The following PXDN variants were observed in gnomAD, a reference collection of about 807,000 sequenced individuals.
PXDN encodes peroxidasin homolog.
In PXDN, 77 loss-of-function variants were observed where a neutral mutation model predicts 140.3. The ratio of observed to expected loss-of-function variants is 0.55; its 90% CI spans 0.46 to 0.66. The LOEUF is 0.66. Among genes scored for constraint, PXDN ranks in the 30% least tolerant of loss-of-function variants. PXDN has a pLI of 0.00. For synonymous variants in PXDN, 911 were observed against 857.4 expected, an observed-to-expected ratio of 1.06 and a Z score of -1.09; for missense variants, 1,838 against 2,039.5, an observed-to-expected ratio of 0.90 and a Z score of 1.90.
intron 1 of PXDN, among the ~76,000 whole-genome samples, chr2:1,700,594 A>G (rs1199031235): frequency 6.6e-6 from 1 of 152,200 alleles, no homozygotes; most frequent in Non-Finnish European, 1.5e-5. Flanking sequence ...CAGTGAGAAC[A>G]CACAGGATAC....
intron 1 of PXDN, among the ~76,000 whole-genome samples, chr2:1,709,586 C>A (rs1684705397): frequency 6.6e-6 from 1 of 152,160 alleles, no homozygotes; most frequent in Non-Finnish European, 1.5e-5. Flanking sequence ...GGCCATTGAA[C>A]AAGATGCGCT....
rs200869196 is a variant in PXDN at position 1,680,083 on chromosome 2, ATG to A, written c.730+108_730+109del. ...GTGTCTATAAATGGTGTGTGTGTAA[ATG>A]TGTGTGTGTGGTGTGTGGATGTTGT... On this transcript the variant is annotated intron_variant, in intron 7 of 22. Transcript: ENST00000252804. 3.6e-4 allele frequency: 457 copies of A among 1,276,218 alleles called. 1 individual carries two copies. The highest frequency in any genetic ancestry group is 2.5e-3 in the Admixed American group (104 of 40,892). 79.1% of individuals were successfully genotyped at this position (1,276,218 alleles called of 1,614,324 possible).
At position 1,743,812 on chromosome 2, in the gene PXDN, G is replaced by T. The variant is rs1415379165; in HGVS notation, c.200+444C>A. ...GACGGAGGGGGCTGCGCCGCGCTCG[G>T]GGAGCGGAGGGGGACCGAGGGGTCC... On this transcript the variant is annotated intron_variant, in intron 1 of 22. Coordinates refer to ENST00000252804, the MANE Select transcript of PXDN (RefSeq NM_012293.3). 2.7e-3 allele frequency among the ~76,000 whole-genome samples: 394 copies of T among 147,550 alleles called. 2 individuals are homozygous for T. The highest frequency in any genetic ancestry group is 3.5e-3 in the Middle Eastern group (1 of 282).
intron 3 of PXDN, among the ~76,000 whole-genome samples, chr2:1,689,886 A>G (rs866403148): frequency 3.3e-5 from 5 of 152,252 alleles, no homozygotes; most frequent in African/African-American, 1.2e-4. Flanking sequence ...GTCTCAAGAA[A>G]TAATTTCATT....
intron 11 of PXDN, chr2:1,664,244 G>A (rs955443101): frequency 3.1e-5 from 5 of 162,144 alleles, no homozygotes; most frequent in African/African-American, 1.2e-4. Context: ...GGAGCCCTGG[G>A]TGGGGCCCCT....
chr2:1,649,358 C>T lies in PXDN; in HGVS notation c.2422G>A (p.Val808Ile), dbSNP rs1682953828. 1.2e-6 allele frequency: 2 copies of T among 1,613,936 alleles called. No homozygotes were observed. Among genetic ancestry groups the T allele is most frequent in the African/African-American group, 1.3e-5 (1 of 75,050 alleles). ...TGGGTGAACTGCTCGTCGGGTGTGA[C>T]GGTCTCCGTCCCGATCAGGGTGGTG... ...VSTTLIGTET[V>I]TPDEQFTHML... Residue 808 changes from valine (V) to isoleucine (I), a missense_variant, in exon 17 of 23, where the codon GTC becomes ATC. Val to Ile is a conservative substitution (Grantham distance 29). Around this residue, in one of 5 missense-constraint regions of PXDN, gnomAD observed 537 missense variants for 583.9 expected, o/e 0.92. Transcript: ENST00000252804. This position sits in a 1 kb window ranked among gnomAD's most constrained non-coding sequence, Gnocchi z 7.1.
intron 1 of PXDN, among the ~76,000 whole-genome samples, chr2:1,713,217 CA>C (rs1480992630): frequency 6.6e-6 from 1 of 152,156 alleles, no homozygotes; most frequent in Non-Finnish European, 1.5e-5. Context: ...AGGATTCAGA[CA>C]CGCTCCCCAG....
At position 1,663,715 on chromosome 2, in the gene PXDN, G is replaced by A; in HGVS notation, c.1457C>T (p.Thr486Ile). ...GAGGGCAACACCAGAGATTCTAAGT[G>A]TTCCCGATGACAGGACCAGGTGCCG... ...DRRHLVLSSG[T>I]LRISGVALHD... Residue 486 changes from threonine to isoleucine, a missense_variant, in exon 12 of 23, where the codon ACA (threonine) becomes ATA (isoleucine). Transcript: ENST00000252804. 6.2e-7 allele frequency: 1 copy of A among 1,613,802 alleles called. No homozygotes were observed. The highest frequency in any genetic ancestry group is 8.5e-7 in the Non-Finnish European group (1 of 1,179,898).
intron 1 of PXDN, among the ~76,000 whole-genome samples, chr2:1,730,866 C>A (rs1016798799): frequency 6.6e-6 from 1 of 151,912 alleles, no homozygotes; most frequent in Non-Finnish European, 1.5e-5. Flanking sequence ...CTACCCTTAG[C>A]GCAATAATCA....
chr2:1,646,429 T>G (rs145970943), intron 17 of PXDN, among the ~76,000 whole-genome samples: 46 of 152,200 alleles, frequency 3.0e-4, no homozygotes, highest in Non-Finnish European at 5.7e-4. Context: ...AAGGAGGATA[T>G]TTAAGCACAT....
At chr2:1,678,637 C>A (rs1048009820) in intron 7 of PXDN, among the ~76,000 whole-genome samples, 8 of 152,230 alleles carry the variant, frequency 5.3e-5, no homozygotes, top group Non-Finnish European at 1.2e-4. Context: ...AACGACAGGG[C>A]CTCGGCTGAT....
rs748237720 is a variant in PXDN at position 1,648,791 on chromosome 2, G to A, written c.2989C>T (p.Arg997Cys). Residue 997 changes from arginine (R) to cysteine (C), a missense_variant, in exon 17 of 23, where the codon CGC becomes TGC. By Grantham distance (180) the Arg-to-Cys change is radical (BLOSUM62 -3). Coordinates refer to ENST00000252804, the MANE Select transcript of PXDN (RefSeq NM_012293.3). This position sits in a 1 kb window ranked among gnomAD's most constrained non-coding sequence, Gnocchi z 8.9. ...AGCTTGAGCAGCTCCGTGGCAATGC[G>A]GTTGTGCTCGCGGAACCACAGCGTG... ...MHTLWFREHN[R>C]IATELLKLNP... 5 of 1,603,324 alleles carry A rather than the reference G, an allele frequency of 3.1e-6. No homozygotes were observed. The highest frequency in any genetic ancestry group is 1.6e-4 in the Middle Eastern group (1 of 6,076).
chr2:1,721,072 T>C (rs895333910), intron 1 of PXDN, among the ~76,000 whole-genome samples: 3 of 152,176 alleles, frequency 2.0e-5, no homozygotes, highest in African/African-American at 7.2e-5. Flanking sequence ...TCGGCTCTAC[T>C]CAAAGTCTCC....
At chr2:1,742,900 C>G (rs1373734145) in intron 1 of PXDN, among the ~76,000 whole-genome samples, 2 of 152,216 alleles carry the variant, frequency 1.3e-5, no homozygotes, top group African/African-American at 4.8e-5. Flanking sequence ...CACTTTGTTT[C>G]GGAGGTAGGC....
chr2:1,666,074 G>T (rs1245298471), intron 10 of PXDN, 140 bp downstream of exon 10: 3 of 1,183,952 alleles, frequency 2.5e-6, no homozygotes, highest in South Asian at 1.6e-5. Context: ...TCCAAGGGGG[G>T]TGTAATGGAT....
Position 1,639,777 on chromosome 2 carries a change from C to T in PXDN, c.3953-355G>A, listed in dbSNP as rs1043184397. On this transcript the variant is annotated intron_variant, in intron 19 of 22. Transcript: ENST00000252804. The surrounding 1 kb of genome is among the most constrained non-coding windows in gnomAD (Gnocchi z 5.0). Reference sequence around the variant, plus strand: ...CCTCGGAGATCAGAGTCTGCTGTTTCTGGGGGTCCCTCCCCGATGGCCAGA... The same window carrying T: ...CCTCGGAGATCAGAGTCTGCTGTTTTTGGGGGTCCCTCCCCGATGGCCAGA... Among the ~76,000 whole-genome samples, 2 of 152,240 alleles carry T rather than the reference C, an allele frequency of 1.3e-5. No individual in the cohort carries two copies. The highest frequency in any genetic ancestry group is 2.1e-4 in the South Asian group (1 of 4,832).
intron 18 of PXDN, among the ~76,000 whole-genome samples, chr2:1,644,065 C>G (rs560690793): frequency 1.3e-5 from 1 of 74,258 alleles, no homozygotes; most frequent in East Asian, 4.7e-4. Flanking sequence ...GAGCAAGACT[C>G]TGTCTCAAAA....
rs6723697 is a variant in PXDN, at chr2:1,648,187, C to T, written c.3593G>A (p.Arg1198Gln). The T allele has an allele frequency of 2.4e-3, 3,871 of 1,611,760 alleles. 82 individuals are homozygous for T. The African/African-American group carries it at 0.045, about 19-fold the overall frequency. Residue 1198 changes from arginine to glutamine, a missense_variant, in exon 17 of 23, where the codon CGG (arginine) becomes CAG (glutamine). Coordinates refer to ENST00000252804, the MANE Select transcript of PXDN (RefSeq NM_012293.3). This position sits in a 1 kb window ranked among gnomAD's most constrained non-coding sequence, Gnocchi z 8.9. ...TTCAGCTCACCTTTTCAGTTTCTCC[C>T]GGATCTCAGGGTTTTTAATCTCATT... ...LKNEIKNPEI[R>Q]EKLKRLYGST...
chr2:1,676,837 T>A (rs1244618733), intron 8 of PXDN, 90 bp downstream of exon 8: 1 of 1,195,312 alleles, frequency 8.4e-7, no homozygotes, highest in Admixed American at 2.0e-5. Context: ...AAAGTGGACG[T>A]GGGCCTTGGT....
Sources: gnomAD v4.1 joint callset for allele counts (sites outside exome capture counted in the v4.1 genomes callset) on GRCh38, gnomAD v4.1.1 for gene constraint, gnomAD v4.1.1 regional missense constraint, Gnocchi (gnomAD v3.1) non-coding constraint, MANE v1.5 for transcripts, NCBI Gene and HGNC (gene_info 2026-07-23, HGNC 2026-07-21) for gene names.